The following PLCL2 variants were observed in gnomAD, a reference collection of about 807,000 sequenced individuals.
PLCL2 encodes phospholipase C like 2, also known as inactive phospholipase C-like protein 2.
Under a neutral mutation model 79.6 loss-of-function variants are expected in PLCL2, and 4 were observed. The observed-to-expected ratio is 0.05, with a 90% CI of 0.02 to 0.11. The LOEUF (loss-of-function observed/expected upper bound fraction) is 0.11, where lower values mean the gene tolerates loss of function less well. Ranked by LOEUF, PLCL2 falls within the 10% of genes least tolerant of loss-of-function variation. The pLI is 1.00. For missense variants in PLCL2, 895 were observed against 1,291.0 expected, an observed-to-expected ratio of 0.69 and a Z score of 4.70; for synonymous variants, 484 against 457.7, an observed-to-expected ratio of 1.06 and a Z score of -0.73.
In PLCL2 at chr3:17,021,081, G is replaced by A. The variant is rs545631945; in HGVS notation, c.3018+6170G>A. On this transcript the variant is annotated intron_variant, in intron 3 of 5. Coordinates refer to ENST00000615277, the MANE Select transcript of PLCL2 (RefSeq NM_001144382.2). ...AAAGCTTCTTTTAATTAGAGTTGTC[G>A]ACACTACCAACTTTTATAACTGTAG... Among the ~76,000 whole-genome samples the A allele has an allele frequency of 7.2e-5, 11 of 152,100 alleles. No individual in the cohort carries two copies. The South Asian group carries it at 8.3e-4, about 11-fold the overall frequency.
At chr3:17,088,075 A>T (rs568137519) in intron 5 of PLCL2, among the ~76,000 whole-genome samples, 1 of 152,330 alleles carries the variant, frequency 6.6e-6, no homozygotes, top group South Asian at 2.1e-4. Context: ...ACATCTATTT[A>T]TAGTTACTAA....
At chr3:17,048,715 G>A (rs938159362) in intron 4 of PLCL2, among the ~76,000 whole-genome samples, 1 of 152,174 alleles carries the variant, frequency 6.6e-6, no homozygotes, top group Non-Finnish European at 1.5e-5. Flanking sequence ...TGCTTAAAAC[G>A]CTGTGTGATG....
intron 1 of PLCL2, among the ~76,000 whole-genome samples, chr3:16,943,035 A>G (rs2063565923): frequency 1.3e-5 from 2 of 152,206 alleles, no homozygotes; most frequent in African/African-American, 4.8e-5. Context: ...CTACAACTAC[A>G]TTCTGTTTGA....
intron 1 of PLCL2, among the ~76,000 whole-genome samples, chr3:16,932,642 A>G (rs1197605994): frequency 6.6e-6 from 1 of 152,144 alleles, no homozygotes; most frequent in Non-Finnish European, 1.5e-5. Context: ...CCTTCTCTCT[A>G]CAGCCATATG....
chr3:16,908,089 C>G (rs755709218), intron 1 of PLCL2, among the ~76,000 whole-genome samples: 1 of 152,070 alleles, frequency 6.6e-6, no homozygotes, highest in Non-Finnish European at 1.5e-5. Flanking sequence ...CGTGGGTTTT[C>G]TGTCTCTCTA....
chr3:17,064,906 G>A (rs2064993297), intron 4 of PLCL2, among the ~76,000 whole-genome samples: 1 of 145,890 alleles, frequency 6.9e-6, no homozygotes, highest in South Asian at 2.2e-4. Context: ...CCTCACCTGG[G>A]CAGCAGAGTG....
intron 5 of PLCL2, among the ~76,000 whole-genome samples, chr3:17,084,264 A>T (rs1575623277): frequency 6.6e-6 from 1 of 152,230 alleles, no homozygotes; most frequent in Non-Finnish European, 1.5e-5. Flanking sequence ...GAATAATTCT[A>T]TATCTATTAA....
chr3:16,966,596 G>A (rs1345983953), intron 1 of PLCL2, among the ~76,000 whole-genome samples: 1 of 152,080 alleles, frequency 6.6e-6, no homozygotes, highest in Non-Finnish European at 1.5e-5. Flanking sequence ...AATGGTACCA[G>A]CTCCTCCTTG....
At chr3:16,970,556 T>G (rs896078219) in intron 1 of PLCL2, among the ~76,000 whole-genome samples, 1 of 149,644 alleles carries the variant, frequency 6.7e-6, no homozygotes, top group Non-Finnish European at 1.5e-5. Flanking sequence ...GCATGATTTA[T>G]AGTCCTTTGG....
At chr3:16,895,796 C>T (rs981926823) in intron 1 of PLCL2, among the ~76,000 whole-genome samples, 1 of 152,156 alleles carries the variant, frequency 6.6e-6, no homozygotes, top group Admixed American at 6.5e-5. Flanking sequence ...GATGACTGCC[C>T]TATGCACTGC....
intron 1 of PLCL2, among the ~76,000 whole-genome samples, chr3:16,927,019 C>T (rs1160805717): frequency 6.6e-6 from 1 of 152,028 alleles, no homozygotes; most frequent in African/African-American, 2.4e-5. Flanking sequence ...TCATTTTGTC[C>T]TTGATATGTA....
At chr3:16,978,365 C>T (rs7653027) in intron 1 of PLCL2, among the ~76,000 whole-genome samples, 86,941 of 152,120 alleles carry the variant, frequency 0.57, 25,050 homozygotes, top group South Asian at 0.64. Context: ...CACTCACAAG[C>T]TGAGTAAGAT....
chr3:16,911,836 C>G (rs1304344083), intron 1 of PLCL2, among the ~76,000 whole-genome samples: 1 of 152,088 alleles, frequency 6.6e-6, no homozygotes, highest in African/African-American at 2.4e-5. Context: ...TTTTGGGTAC[C>G]AACATGATAC....
At position 17,014,978 on chromosome 3, in the gene PLCL2, A is replaced by G. The variant is rs531976147; in HGVS notation, c.3018+67A>G. ...GATATCCTAAGACAACACAGCAGAC[A>G]TACTTTGGAGCTTTTGCTGAAGTGC... On this transcript the variant is annotated intron_variant, in intron 3 of 5. Transcript: ENST00000615277. 4.0e-5 allele frequency: 52 copies of G among 1,305,850 alleles called. No homozygotes were observed. The South Asian group carries it at 5.8e-4, about 15-fold the overall frequency. 80.9% of individuals were successfully genotyped at this position (1,305,850 alleles called of 1,614,324 possible). A position where few individuals can be genotyped will look rare whatever the true frequency, so the allele number is the denominator to read the frequency against.
intron 2 of PLCL2, among the ~76,000 whole-genome samples, chr3:17,012,702 A>G (rs979642351): frequency 1.3e-5 from 2 of 152,264 alleles, no homozygotes; most frequent in African/African-American, 4.8e-5. Context: ...TGTATTTATT[A>G]GAAGTTTAAG....
intron 1 of PLCL2, among the ~76,000 whole-genome samples, chr3:16,966,666 A>G (rs142074454): frequency 2.6e-5 from 4 of 151,748 alleles, no homozygotes; most frequent in African/African-American, 9.7e-5. Flanking sequence ...TTTGGTTAGT[A>G]TGCTATTAAT....
chr3:17,024,622 A>G (rs1253341820), intron 3 of PLCL2, among the ~76,000 whole-genome samples: 1 of 152,214 alleles, frequency 6.6e-6, no homozygotes, highest in Non-Finnish European at 1.5e-5. Context: ...AAAGAAACAA[A>G]GAGCTTAATT....
intron 3 of PLCL2, among the ~76,000 whole-genome samples, chr3:17,018,577 T>A (rs1488849209): frequency 6.6e-6 from 1 of 152,200 alleles, no homozygotes; most frequent in East Asian, 1.9e-4. Context: ...TATTAAGCCA[T>A]GTGGTTGGGC....
At chr3:17,013,007 T>C (rs1480039934) in intron 2 of PLCL2, among the ~76,000 whole-genome samples, 1 of 152,212 alleles carries the variant, frequency 6.6e-6, no homozygotes, top group African/African-American at 2.4e-5. Flanking sequence ...AAATTCAACG[T>C]TTTTTCCCTA....
Sources: gnomAD v4.1 joint callset for allele counts (sites outside exome capture counted in the v4.1 genomes callset) on GRCh38, gnomAD v4.1.1 for gene constraint, MANE v1.5 for transcripts, NCBI Gene and HGNC (gene_info 2026-07-23, HGNC 2026-07-21) for gene names.